ZNF117: variants seen among roughly 807,000 people sequenced by gnomAD.
ZNF117 encodes the protein zinc finger protein 117, also known as Krueppel-related zinc finger protein.
A neutral mutation model predicts 41.2 loss-of-function variants in ZNF117; 37 were observed. That is an observed-to-expected ratio of 0.90 (90% CI 0.69 to 1.18). The LOEUF (loss-of-function observed/expected upper bound fraction) is 1.18, where lower values mean the gene tolerates loss of function less well. ZNF117 is among the 50% of genes most tolerant of loss of function. ZNF117 has a pLI of 0.00. For missense variants in ZNF117, 546 were observed against 557.5 expected, an observed-to-expected ratio of 0.98 and a Z score of 0.21; for synonymous variants, 186 against 186.6, an observed-to-expected ratio of 1.00 and a Z score of 0.02.
exon 1 of ZNF117, chr7:64,982,009 G>C: frequency 1.4e-6 from 1 of 731,196 alleles, no homozygotes; most frequent in Non-Finnish European, 2.4e-6. Context: ...CCAGGTTTCT[G>C]TAGTTCTCTC....
At chr7:64,974,133 A>G (rs1014125954), downstream of ZNF117, 1 of 151,970 alleles carries the variant, frequency 6.6e-6, no homozygotes, top group African/African-American at 2.4e-5. Context: ...CTTATATAGG[A>G]TTCTCCAATT....
At chr7:64,981,391 A>C in exon 2 of ZNF117, 1 of 1,613,028 alleles carries the variant, frequency 6.2e-7, no homozygotes, top group South Asian at 1.1e-5. Flanking sequence ...ACTTACCTAA[A>C]TGTTTAGCTA....
upstream of ZNF117, among the ~76,000 whole-genome samples, chr7:64,984,485 T>G (rs187849031): frequency 6.6e-6 from 1 of 152,232 alleles, no homozygotes; most frequent in African/African-American, 2.4e-5. Context: ...GTAGAGCTAT[T>G]ATGGTTTTTG....
chr7:64,978,551 T>G, exon 3 of ZNF117: 1 of 1,607,568 alleles, frequency 6.2e-7, no homozygotes, highest in South Asian at 1.1e-5. Context: ...GGTTAAAAGC[T>G]TTGCCACATT....
chr7:64,972,776 A>T (rs1361270438), downstream of ZNF117: 2 of 152,068 alleles, frequency 1.3e-5, no homozygotes, highest in African/African-American at 4.8e-5. Flanking sequence ...TTTTTGAAAA[A>T]CATTGACAAT....
At chr7:64,979,643 A>G in intron 2 of ZNF117, 107 bp from the exon 4 acceptor site, 2 of 838,368 alleles carry the variant, frequency 2.4e-6, no homozygotes, top group Non-Finnish European at 3.3e-6. Flanking sequence ...AAGATGGCAT[A>G]GCAAAATACC....
At chr7:64,982,934 G>A (rs537178264), upstream of ZNF117, among the ~76,000 whole-genome samples, 6 of 152,164 alleles carry the variant, frequency 3.9e-5, no homozygotes, top group Non-Finnish European at 8.8e-5. Context: ...GAAAAATGCA[G>A]CTTCACTGCT....
At chr7:64,984,439 T>G (rs182060666), upstream of ZNF117, among the ~76,000 whole-genome samples, 1 of 152,336 alleles carries the variant, frequency 6.6e-6, no homozygotes, top group African/African-American at 2.4e-5. Flanking sequence ...TTTATTCATA[T>G]AGTGGAATAC....
chr7:64,987,901 C>T (rs886712549), intron 1 of ZNF117, among the ~76,000 whole-genome samples: 9 of 148,972 alleles, frequency 6.0e-5, no homozygotes, highest in African/African-American at 2.2e-4. Flanking sequence ...CAAGACTGAA[C>T]AAAAAAGAAA....
At chr7:64,986,035 T>C (rs1786128258), upstream of ZNF117, among the ~76,000 whole-genome samples, 1 of 152,034 alleles carries the variant, frequency 6.6e-6, no homozygotes, top group Non-Finnish European at 1.5e-5. Context: ...CTAATTTGTA[T>C]TTTCCACTAT....
At chr7:64,972,396 C>T (rs371711582), downstream of ZNF117, 3 of 152,072 alleles carry the variant, frequency 2.0e-5, no homozygotes, top group East Asian at 1.9e-4. Context: ...ACACAATCAA[C>T]AGTTCAACAT....
At chr7:64,981,208 T>C (rs914486539) in intron 2 of ZNF117, 179 bp downstream of exon 3, 8 of 753,016 alleles carry the variant, frequency 1.1e-5, no homozygotes, top group Non-Finnish European at 1.7e-5. Context: ...GAGGAATCCT[T>C]AGAGAATTGA....
chr7:64,978,861 G>A lies in ZNF117; in HGVS notation c.710C>T (p.Thr237Ile), dbSNP rs1220263013. ...TCCGGTATGAATTAACTTATGTTCA[G>A]TAAGCTTTGAGGCTTGGTTAAAAGC... is the stretch of plus-strand genomic sequence containing the variant. Residue 237 changes from threonine to isoleucine, a missense_variant, in exon 3 of 3, where the codon ACT becomes ATT. Transcript: ENST00000620222. 83 of 1,613,448 alleles carry A rather than the reference G, an allele frequency of 5.1e-5. 1 individual carries two copies. The Admixed American group carries it at 1.4e-3, about 27-fold the overall frequency.
intron 2 of ZNF117, chr7:64,980,145 AC>A (rs1232711404): frequency 1.3e-5 from 2 of 152,406 alleles, no homozygotes; most frequent in Non-Finnish European, 2.9e-5. Context: ...CTAAAAAACA[AC>A]TAGAACATTT....
At chr7:64,977,854 T>A in exon 3 of ZNF117, 1 of 1,129,416 alleles carries the variant, frequency 8.9e-7, no homozygotes, top group South Asian at 1.2e-5. Context: ...TTATGTTTAA[T>A]AAGGTTTGAT....
exon 3 of ZNF117, chr7:64,978,100 G>A (rs1785929995): frequency 1.9e-6 from 3 of 1,600,130 alleles, no homozygotes; most frequent in East Asian, 2.2e-5. Context: ...ATTTTCTTGT[G>A]TTCAATGAGT....
upstream of ZNF117, among the ~76,000 whole-genome samples, chr7:64,986,179 T>C (rs1473726456): frequency 1.3e-5 from 2 of 151,926 alleles, no homozygotes; most frequent in African/African-American, 4.8e-5. Flanking sequence ...CATGGGTGTA[T>C]CAATCAAGAA....
At chr7:64,975,467 T>C (rs1442918771) in exon 3 of ZNF117, 2 of 152,064 alleles carry the variant, frequency 1.3e-5, no homozygotes, top group Non-Finnish European at 1.5e-5. Context: ...TCATGCATCC[T>C]ACATTGTAAT....
exon 3 of ZNF117, chr7:64,977,328 G>C: frequency 2.4e-6 from 1 of 417,850 alleles, no homozygotes; most frequent in Admixed American, 3.2e-5. Context: ...TTTCTCTCCA[G>C]TGTGAATTAT....
Sources: gnomAD v4.1 joint callset for allele counts (sites outside exome capture counted in the v4.1 genomes callset) on GRCh38, gnomAD v4.1.1 for gene constraint, MANE v1.5 for transcripts, NCBI Gene and HGNC (gene_info 2026-07-23, HGNC 2026-07-21) for gene names.